Variants in ZFPM1 observed in about 807,000 individuals in gnomAD.
ZFPM1 encodes the protein zinc finger protein, FOG family member 1.
Under a neutral mutation model 46.3 loss-of-function variants are expected in ZFPM1, and 28 were observed. The observed-to-expected ratio is 0.60, with a 90% CI of 0.45 to 0.83. The LOEUF (loss-of-function observed/expected upper bound fraction) is 0.83, where lower values mean the gene tolerates loss of function less well. Among genes scored for constraint, ZFPM1 ranks in the 40% least tolerant of loss-of-function variants. The pLI, the probability that ZFPM1 is intolerant of heterozygous loss-of-function variation, is 0.00. For synonymous variants in ZFPM1, 957 were observed against 675.9 expected (o/e 1.42, Z -6.45); for missense variants, 1,878 against 1,432.4 (o/e 1.31, Z -5.02).
chr16:88,476,251 G>T (rs1350321465), intron 1 of ZFPM1, among the ~76,000 whole-genome samples: 5 of 152,146 alleles, frequency 3.3e-5, no homozygotes, highest in African/African-American at 2.4e-5. Context: ...CCTCCCTGCT[G>T]GGGGAGCCCA....
In ZFPM1 at chr16:88,509,431, C is replaced by G. The variant is rs548124701; in HGVS notation, c.269-4956C>G. 1.8e-3 allele frequency among the ~76,000 whole-genome samples: 269 copies of G among 152,342 alleles called. 2 individuals carry two copies. The highest frequency in any genetic ancestry group is 6.2e-3 in the African/African-American group (259 of 41,580). On this transcript the variant is annotated intron_variant, in intron 3 of 9. Coordinates refer to ENST00000319555, the MANE Select transcript of ZFPM1 (RefSeq NM_153813.3). ...TCTGGGGTGGCTGGACTTTGCACTC[C>G]CGAGACTACCAGCCATTAGGCACAC...
At chr16:88,494,264 G>C (rs777236035) in intron 3 of ZFPM1, among the ~76,000 whole-genome samples, 3 of 152,122 alleles carry the variant, frequency 2.0e-5, no homozygotes, top group African/African-American at 7.2e-5. Flanking sequence ...CCGAGCAGGG[G>C]CCGGGAGCAG....
chr16:88,468,000 C>G (rs946873614), intron 1 of ZFPM1, among the ~76,000 whole-genome samples: 25 of 150,634 alleles, frequency 1.7e-4, no homozygotes, highest in African/African-American at 6.1e-4. Context: ...CGCACACCCG[C>G]GAGCCCCCCA....
At position 88,533,836 on chromosome 16, in the gene ZFPM1, C is replaced by G. The variant is rs953042849; in HGVS notation, c.1878C>G (p.Pro626=). The change falls in exon 10 of 10, where the codon CCC becomes CCG. Residue 626 remains proline (P), a synonymous_variant. Transcript: ENST00000319555. ...KAPPGPARAP[P]GQPAEPDAPR... ...CCCCCGGCCCGGCCCGCGCGCCCCCCGGCCAGCCCGCCGAACCCGACGCGC... is the reference window on the plus strand; with the variant it reads ...CCCCCGGCCCGGCCCGCGCGCCCCCGGGCCAGCCCGCCGAACCCGACGCGC... 1.8e-5 allele frequency: 18 copies of G among 990,030 alleles called. No individual in the cohort carries two copies. The East Asian group carries it at 1.0e-3, about 55-fold the overall frequency. 61.3% of individuals were successfully genotyped at this position (990,030 alleles called of 1,614,324 possible).
chr16:88,464,808 G>A (rs1372196547), intron 1 of ZFPM1, among the ~76,000 whole-genome samples: 1 of 151,996 alleles, frequency 6.6e-6, no homozygotes, highest in African/African-American at 2.4e-5. Flanking sequence ...GCGCCAAGAT[G>A]GTGAGTGAGA....
chr16:88,533,096 C>A (rs576615116), intron 9 of ZFPM1, 52 bp from the exon 10 acceptor site: 22 of 1,464,216 alleles, frequency 1.5e-5, no homozygotes, highest in Non-Finnish European at 1.6e-5. Flanking sequence ...CAGCTCTGAC[C>A]GGCCAGGTCC....
intron 1 of ZFPM1, among the ~76,000 whole-genome samples, chr16:88,454,389 C>T (rs1907441810): frequency 1.3e-5 from 2 of 152,252 alleles, no homozygotes; most frequent in Non-Finnish European, 2.9e-5. Flanking sequence ...ACCTCCTGGA[C>T]CCTGCAAGTG....
intron 3 of ZFPM1, among the ~76,000 whole-genome samples, chr16:88,513,595 T>G (rs1300625797): frequency 6.6e-6 from 1 of 152,192 alleles, no homozygotes; most frequent in Non-Finnish European, 1.5e-5. Flanking sequence ...GTCCCTGTTG[T>G]CCACCAAGGA....
At chr16:88,464,528 A>G (rs1475749996) in intron 1 of ZFPM1, among the ~76,000 whole-genome samples, 1 of 152,162 alleles carries the variant, frequency 6.6e-6, no homozygotes. Flanking sequence ...AGTCAGCCTC[A>G]GTTTCCCCCA....
At chr16:88,514,659 G>T in intron 4 of ZFPM1, 139 bp downstream of exon 4, 1 of 1,203,538 alleles carries the variant, frequency 8.3e-7, no homozygotes, top group South Asian at 1.6e-5. Context: ...GGGACCTGGA[G>T]GATAGGGAGG....
At chr16:88,483,892 G>A (rs532532564) in intron 1 of ZFPM1, among the ~76,000 whole-genome samples, 12 of 152,350 alleles carry the variant, frequency 7.9e-5, no homozygotes, top group Admixed American at 3.9e-4. Context: ...TGCATGGAAC[G>A]GCGGGGTCAG....
chr16:88,528,737 T>G (rs1912545353), intron 6 of ZFPM1, among the ~76,000 whole-genome samples: 2 of 46,036 alleles, frequency 4.3e-5, no homozygotes, highest in Non-Finnish European at 1.8e-4. Flanking sequence ...GTTGGTTGGG[T>G]TTTTGTTGTT....
intron 3 of ZFPM1, among the ~76,000 whole-genome samples, chr16:88,505,734 C>T (rs1391029561): frequency 6.6e-6 from 1 of 152,152 alleles, no homozygotes. Context: ...CACCCAGGCC[C>T]CCTGCGATGT....
At chr16:88,466,923 C>G (rs540494741) in intron 1 of ZFPM1, among the ~76,000 whole-genome samples, 47 of 152,168 alleles carry the variant, frequency 3.1e-4, no homozygotes, top group African/African-American at 8.7e-4. Context: ...GGTAAAGCAT[C>G]TGGGGCCCTT....
intron 1 of ZFPM1, among the ~76,000 whole-genome samples, chr16:88,458,086 CTG>C (rs1231214677): frequency 2.0e-5 from 3 of 152,212 alleles, no homozygotes; most frequent in African/African-American, 4.8e-5. Context: ...TCTGGGGAAA[CTG>C]AAGCACAGAG....
rs1909997338 is a variant in ZFPM1, at chr16:88,497,477, G to C, written c.268+8324G>C. On this transcript the variant is annotated intron_variant, in intron 3 of 9. Coordinates refer to ENST00000319555, the MANE Select transcript of ZFPM1 (RefSeq NM_153813.3). This position sits in a 1 kb window ranked among gnomAD's most constrained non-coding sequence, Gnocchi z 5.4. ...TCAGAGGGGTCAGGGTGGGGCTCAGGGCCCGGGCGGGGATGGGGTTCAGAG... is the reference window on the plus strand; with the variant it reads ...TCAGAGGGGTCAGGGTGGGGCTCAGCGCCCGGGCGGGGATGGGGTTCAGAG... Among the ~76,000 whole-genome samples the C allele has an allele frequency of 7.1e-6, 1 of 141,128 alleles. No individual in the cohort carries two copies. Among genetic ancestry groups the C allele is most frequent in the South Asian group, 2.4e-4 (1 of 4,176 alleles). 92.6% of individuals were successfully genotyped at this position (141,128 alleles called of 152,430 possible). A position where few individuals can be genotyped will look rare whatever the true frequency, so the allele number is the denominator to read the frequency against.
At chr16:88,490,203 G>A (rs1291408370) in intron 3 of ZFPM1, among the ~76,000 whole-genome samples, 1 of 152,128 alleles carries the variant, frequency 6.6e-6, no homozygotes, top group African/African-American at 2.4e-5. Flanking sequence ...ACAGGTGCCT[G>A]CCACCATGCC....
At chr16:88,468,069 C>CT (rs1908225764) in intron 1 of ZFPM1, among the ~76,000 whole-genome samples, 7 of 138,202 alleles carry the variant, frequency 5.1e-5, no homozygotes, top group Non-Finnish European at 9.5e-5. Context: ...CCCACCGCCC[C>CT]GACCCACCCG....
intron 4 of ZFPM1, among the ~76,000 whole-genome samples, chr16:88,526,423 G>A (rs1046234156): frequency 1.3e-5 from 2 of 151,356 alleles, no homozygotes; most frequent in Admixed American, 6.6e-5. Flanking sequence ...AGCACTCTGG[G>A]GGCAAGGGTG....
Sources: gnomAD v4.1 joint callset for allele counts (sites outside exome capture counted in the v4.1 genomes callset) on GRCh38, gnomAD v4.1.1 for gene constraint, Gnocchi (gnomAD v3.1) non-coding constraint, MANE v1.5 for transcripts, NCBI Gene and HGNC (gene_info 2026-07-23, HGNC 2026-07-21) for gene names.